The following CENPP variants were observed in gnomAD, a reference collection of about 807,000 sequenced individuals.
The protein encoded by CENPP is centromere protein P.
In CENPP, 24 loss-of-function variants were observed where a neutral mutation model predicts 35.6. The observed-to-expected ratio is 0.67, with a 90% CI of 0.49 to 0.95. The LOEUF is 0.95. Among genes scored for constraint, CENPP ranks in the 40% least tolerant of loss-of-function variants. The pLI is 0.00. For missense variants in CENPP, 332 were observed against 345.3 expected (o/e 0.96, Z 0.31); for synonymous variants, 120 against 125.5 (o/e 0.96, Z 0.29).
At chr9:92,477,309 C>T (rs1264822193) in intron 5 of CENPP, among the ~76,000 whole-genome samples, 1 of 152,154 alleles carries the variant, frequency 6.6e-6, no homozygotes, top group African/African-American at 2.4e-5. Context: ...GTCTGTCTAA[C>T]TTTGACTCAT....
At chr9:92,462,706 ATTC>A (rs1845160793) in intron 5 of CENPP, among the ~76,000 whole-genome samples, 1 of 152,340 alleles carries the variant, frequency 6.6e-6, no homozygotes, top group East Asian at 1.9e-4. Context: ...CAGAAAAATA[ATTC>A]TTCTAAACTG....
intron 5 of CENPP, among the ~76,000 whole-genome samples, chr9:92,531,302 C>T (rs1337013724): frequency 7.2e-5 from 11 of 152,078 alleles, no homozygotes; most frequent in South Asian, 4.2e-4. Flanking sequence ...CCACATACAT[C>T]CTTGACTTAT....
chr9:92,578,268 A>G (rs1850333491), intron 5 of CENPP, among the ~76,000 whole-genome samples: 1 of 152,068 alleles, frequency 6.6e-6, no homozygotes, highest in Non-Finnish European at 1.5e-5. Flanking sequence ...ATACGTGTGC[A>G]TGTGTCTTTA....
chr9:92,412,402 A>G (rs1398419026), intron 5 of CENPP, among the ~76,000 whole-genome samples: 1 of 152,174 alleles, frequency 6.6e-6, no homozygotes, highest in Non-Finnish European at 1.5e-5. Context: ...TATACAATTT[A>G]ATAGTACTTA....
intron 5 of CENPP, among the ~76,000 whole-genome samples, chr9:92,433,349 A>G (rs1043282892): frequency 1.3e-5 from 2 of 152,322 alleles, no homozygotes; most frequent in South Asian, 2.1e-4. Flanking sequence ...CATTAAAACC[A>G]TAACAAGGAA....
At chr9:92,550,883 C>T (rs1324882303) in intron 5 of CENPP, among the ~76,000 whole-genome samples, 1 of 152,142 alleles carries the variant, frequency 6.6e-6, no homozygotes, top group African/African-American at 2.4e-5. Context: ...CAGCCCGCCA[C>T]ACTTTTCTAC....
At chr9:92,403,546 T>C in intron 5 of CENPP, 1 of 1,384,112 alleles carries the variant, frequency 7.2e-7, no homozygotes, top group East Asian at 2.5e-5. Flanking sequence ...TTTGGCAGGG[T>C]GTGCGCAGTA....
intron 5 of CENPP, among the ~76,000 whole-genome samples, chr9:92,405,966 A>G (rs1292208518): frequency 6.6e-6 from 1 of 152,230 alleles, no homozygotes; most frequent in East Asian, 1.9e-4. Context: ...CTAAGTCAGC[A>G]GGAAAAGCAG....
chr9:92,470,812 G>A, intron 5 of CENPP: 1 of 1,264,144 alleles, frequency 7.9e-7, no homozygotes, highest in Non-Finnish European at 1.1e-6. Context: ...TTATATAATA[G>A]AGAATCATGC....
chr9:92,344,621 C>T (rs945678397), intron 3 of CENPP, among the ~76,000 whole-genome samples: 19 of 151,962 alleles, frequency 1.3e-4, no homozygotes, highest in African/African-American at 4.6e-4. Context: ...GATCTTGGCT[C>T]GCTGCAACCT....
chr9:92,423,967 A>G (rs984543611), intron 5 of CENPP, among the ~76,000 whole-genome samples: 19 of 152,264 alleles, frequency 1.2e-4, no homozygotes, highest in African/African-American at 3.8e-4. Context: ...AAATCTAAAC[A>G]AAGATTTTTT....
At chr9:92,407,679 T>C (rs1368710045) in intron 5 of CENPP, among the ~76,000 whole-genome samples, 1 of 152,164 alleles carries the variant, frequency 6.6e-6, no homozygotes, top group African/African-American at 2.4e-5. Flanking sequence ...CGATCATGAC[T>C]CTCTGCAGCC....
At chr9:92,505,567 C>G in intron 5 of CENPP, 1 of 1,606,944 alleles carries the variant, frequency 6.2e-7, no homozygotes, top group Non-Finnish European at 8.5e-7. Flanking sequence ...CGGTATAATT[C>G]TAAATTTATT....
At chr9:92,521,930 A>G (rs10491806) in intron 5 of CENPP, among the ~76,000 whole-genome samples, 26,857 of 152,192 alleles carry the variant, frequency 0.18, 3,434 homozygotes, top group East Asian at 0.66. Context: ...ACAACTATTT[A>G]AAATATATGC....
intron 4 of CENPP, among the ~76,000 whole-genome samples, chr9:92,352,510 C>CACATATATATATATAT (rs1841486149): frequency 2.0e-5 from 1 of 50,454 alleles, no homozygotes; most frequent in Non-Finnish European, 3.3e-5. Flanking sequence ...TGTGTGTATA[C>CACATATATATATATAT]ATATATATAT....
At position 92,360,779 on chromosome 9, in the gene CENPP, A is replaced by T. The variant is rs186676915; in HGVS notation, c.467+14992A>T. On this transcript the variant is annotated intron_variant, in intron 4 of 7. Coordinates refer to ENST00000375587, the MANE Select transcript of CENPP (RefSeq NM_001012267.3). ...GAGTGCAATGGCGTAATCTCAGCTCACTGCAAGCTCTGCCTCCTGGGTTCA... is the reference window on the plus strand; with the variant it reads ...GAGTGCAATGGCGTAATCTCAGCTCTCTGCAAGCTCTGCCTCCTGGGTTCA... Among the ~76,000 whole-genome samples, 703 of 151,986 alleles carry T rather than the reference A, an allele frequency of 4.6e-3. 2 individuals are homozygous for T. The highest frequency in any genetic ancestry group is 8.2e-3 in the Non-Finnish European group (556 of 67,962).
At chr9:92,536,480 A>T (rs1042000348) in intron 5 of CENPP, 8 of 153,762 alleles carry the variant, frequency 5.2e-5, no homozygotes. Context: ...CACACACAAT[A>T]CTAACAAAAC....
rs557560074 is a variant in CENPP, at chr9:92,601,532, C to T, written c.565-9782C>T. The stretch of plus-strand genomic sequence containing the variant: ...TCTGAAAACCCCATCTCGCCTCCCC[C>T]GTGGGGGTACCAGCCCTCATTTAAA... On this transcript the variant is annotated intron_variant, in intron 5 of 7. Coordinates refer to ENST00000375587, the MANE Select transcript of CENPP (RefSeq NM_001012267.3). Among the ~76,000 whole-genome samples the T allele has an allele frequency of 2.6e-5, 4 of 152,328 alleles. No homozygotes were observed. In the East Asian group the frequency reaches 7.7e-4, roughly 29 times the overall value.
chr9:92,585,375 G>T (rs1850515885), intron 5 of CENPP, among the ~76,000 whole-genome samples: 1 of 152,168 alleles, frequency 6.6e-6, no homozygotes, highest in Admixed American at 6.5e-5. Context: ...TCAAAAGTCT[G>T]GCTCCATTTT....
Sources: gnomAD v4.1 joint callset for allele counts (sites outside exome capture counted in the v4.1 genomes callset) on GRCh38, gnomAD v4.1.1 for gene constraint, MANE v1.5 for transcripts, NCBI Gene and HGNC (gene_info 2026-07-23, HGNC 2026-07-21) for gene names.